Variants in PTPRO observed in about 807,000 individuals in gnomAD.
PTPRO encodes protein tyrosine phosphatase receptor type O.
PTPRO carries 62 observed loss-of-function variants against 145.2 expected under a neutral mutation model. That is an observed-to-expected ratio of 0.43 (90% confidence interval 0.35 to 0.53). The LOEUF is 0.53. PTPRO is among the 20% of genes least tolerant of loss of function. PTPRO has a pLI of 0.01. For synonymous variants in PTPRO, 565 were observed against 514.7 expected (o/e 1.10, Z -1.32); for missense variants, 1,345 against 1,482.7 (o/e 0.91, Z 1.53).
chr12:15,442,018 A>G (rs1414070243), intron 1 of PTPRO, among the ~76,000 whole-genome samples: 1 of 152,176 alleles, frequency 6.6e-6, no homozygotes, highest in Non-Finnish European at 1.5e-5. Flanking sequence ...CATCAGGCCA[A>G]TACCAAAACC....
intron 1 of PTPRO, among the ~76,000 whole-genome samples, chr12:15,420,656 CATTATATCACATGTT>C (rs1940119141): frequency 6.8e-6 from 1 of 148,138 alleles, no homozygotes; most frequent in South Asian, 2.1e-4. Flanking sequence ...AAATAACTAT[CATTATATCACATGTT>C]ATTATAACTA....
intron 1 of PTPRO, among the ~76,000 whole-genome samples, chr12:15,375,885 A>G (rs531759487): frequency 6.6e-6 from 1 of 152,324 alleles, no homozygotes; most frequent in South Asian, 2.1e-4. Context: ...TTGAGTTGGC[A>G]AAAGAAAGAT....
Position 15,414,334 on chromosome 12 carries a change from A to T in PTPRO, c.76-69640A>T, listed in dbSNP as rs151054638. On this transcript the variant is annotated intron_variant, in intron 1 of 26. Transcript: ENST00000281171. ...CTAACACTGCTGTTCTGCAGACCAC[A>T]TCTTGAGTAGCAAAGCATTCCAGAA... is the stretch of plus-strand genomic sequence containing the variant. 3.0e-4 allele frequency among the ~76,000 whole-genome samples: 45 copies of T among 152,352 alleles called. No individual in the cohort carries two copies. The East Asian group carries it at 8.1e-3, about 27-fold the overall frequency.
At chr12:15,341,251 T>C (rs1026872312) in intron 1 of PTPRO, among the ~76,000 whole-genome samples, 1 of 152,230 alleles carries the variant, frequency 6.6e-6, no homozygotes, top group African/African-American at 2.4e-5. Context: ...TTTTATTTTT[T>C]AGTTTGTCCA....
intron 14 of PTPRO, among the ~76,000 whole-genome samples, chr12:15,549,665 G>C (rs1943401163): frequency 6.6e-6 from 1 of 152,132 alleles, no homozygotes; most frequent in African/African-American, 2.4e-5. Context: ...CCAGCCAAAA[G>C]TATAAGTGGG....
chr12:15,346,178 C>T (rs967876984), intron 1 of PTPRO, among the ~76,000 whole-genome samples: 2 of 152,154 alleles, frequency 1.3e-5, no homozygotes, highest in Admixed American at 1.3e-4. Flanking sequence ...TATCTTCACC[C>T]TCATGTTTTG....
intron 25 of PTPRO, among the ~76,000 whole-genome samples, chr12:15,590,571 T>C (rs1011947256): frequency 6.6e-6 from 1 of 152,174 alleles, no homozygotes; most frequent in African/African-American, 2.4e-5. Context: ...ATGGCGGCCG[T>C]CTCAGCTGTT....
rs186873750 is a variant in PTPRO at position 15,524,896 on chromosome 12, G to A, written c.1974G>A (p.Thr658=). The change falls in exon 11 of 27, where the codon ACG becomes ACA. Residue 658 remains threonine, a synonymous_variant. Coordinates refer to ENST00000281171, the MANE Select transcript of PTPRO (RefSeq NM_030667.3). ...GTTGGACATATGGGGATGATACAAC[G>A]GACTTGTCCCATTCTAGAATGCTTC... ...YISWTYGDDT[T]DLSHSRMLHW... 7.4e-6 allele frequency: 12 copies of A among 1,613,604 alleles called. No individual in the cohort carries two copies. Among genetic ancestry groups the A allele is most frequent in the African/African-American group, 4.0e-5 (3 of 75,004 alleles).
intron 1 of PTPRO, among the ~76,000 whole-genome samples, chr12:15,482,377 G>A (rs1460595934): frequency 2.0e-5 from 3 of 151,990 alleles, no homozygotes; most frequent in Admixed American, 1.3e-4. Flanking sequence ...GCCAAGGAAG[G>A]GAGAGAGAGG....
At chr12:15,506,371 G>A (rs1433135964) in intron 6 of PTPRO, among the ~76,000 whole-genome samples, 1 of 152,288 alleles carries the variant, frequency 6.6e-6, no homozygotes, top group Non-Finnish European at 1.5e-5. Flanking sequence ...TATGACTTCA[G>A]GCAGCTTGTT....
At chr12:15,516,552 G>A (rs1388853767) in intron 8 of PTPRO, among the ~76,000 whole-genome samples, 2 of 136,552 alleles carry the variant, frequency 1.5e-5, no homozygotes, top group East Asian at 2.5e-4. Flanking sequence ...AGGGAGGGAG[G>A]GAAGAAGGAA....
intron 19 of PTPRO, among the ~76,000 whole-genome samples, chr12:15,577,902 G>A (rs956739497): frequency 2.0e-5 from 3 of 152,142 alleles, no homozygotes; most frequent in Non-Finnish European, 4.4e-5. Flanking sequence ...TAAGACACAT[G>A]GCATAGCAAC....
chr12:15,557,345 T>C, intron 15 of PTPRO, 110 bp from the exon 16 acceptor site: 1 of 1,065,468 alleles, frequency 9.4e-7, no homozygotes. Flanking sequence ...TCTTCTTTTT[T>C]TTAATTTAAT....
chr12:15,504,070 G>C lies in PTPRO; in HGVS notation c.1267+1G>C. ...GCAAAATCACTCAGCTTTTATATCA[G>C]TAAGTAACAAAGAGATCATTTTACA... On this transcript the variant is annotated splice_donor_variant, in intron 6 of 26. Coordinates refer to ENST00000281171, the MANE Select transcript of PTPRO (RefSeq NM_030667.3). LOFTEE classifies it high-confidence loss of function. The C allele has an allele frequency of 1.2e-6, 2 of 1,608,984 alleles. No individual in the cohort carries two copies. Among genetic ancestry groups the C allele is most frequent in the Non-Finnish European group, 1.7e-6 (2 of 1,175,592 alleles).
At chr12:15,538,878 A>C (rs1480921831) in intron 12 of PTPRO, among the ~76,000 whole-genome samples, 1 of 152,196 alleles carries the variant, frequency 6.6e-6, no homozygotes, top group East Asian at 1.9e-4. Flanking sequence ...TAGCAAAGTA[A>C]CTCAGACCCT....
chr12:15,356,297 A>G lies in PTPRO; in HGVS notation c.75+33496A>G, dbSNP rs538933640. Among the ~76,000 whole-genome samples, 8 of 152,238 alleles carry G rather than the reference A, an allele frequency of 5.3e-5. No homozygotes were observed. In the South Asian group the frequency reaches 1.7e-3, roughly 32 times the overall value. ...AGCAAGAAATGCTCTACATAAGTGA[A>G]TTTTCTAGAGATACCTTTAAGAATT... On this transcript the variant is annotated intron_variant, in intron 1 of 26. Coordinates refer to ENST00000281171, the MANE Select transcript of PTPRO (RefSeq NM_030667.3).
intron 6 of PTPRO, among the ~76,000 whole-genome samples, chr12:15,508,232 C>T (rs963100089): frequency 3.3e-5 from 5 of 152,150 alleles, no homozygotes; most frequent in Non-Finnish European, 7.3e-5. Flanking sequence ...ATAATAAGCC[C>T]TGATGAAATG....
intron 1 of PTPRO, among the ~76,000 whole-genome samples, chr12:15,404,114 G>A (rs1682722986): frequency 6.7e-6 from 1 of 149,966 alleles, no homozygotes; most frequent in South Asian, 2.1e-4. Context: ...GAGAATGCCT[G>A]GGAGATGGAG....
intron 2 of PTPRO, among the ~76,000 whole-genome samples, chr12:15,489,323 T>C (rs1473298756): frequency 6.6e-6 from 1 of 152,006 alleles, no homozygotes; most frequent in Non-Finnish European, 1.5e-5. Context: ...GCAAGTTCAT[T>C]AAGAAAGTAA....
Sources: allele counts gnomAD v4.1 joint callset (sites outside exome capture counted in the v4.1 genomes callset), GRCh38; gene constraint gnomAD v4.1.1; transcripts MANE v1.5; gene names NCBI Gene and HGNC (gene_info 2026-07-23, HGNC 2026-07-21).